The following DLGAP2 variants were observed in gnomAD, a reference collection of about 807,000 sequenced individuals.
DLGAP2 encodes DLG associated protein 2.
Under a neutral mutation model 100.3 loss-of-function variants are expected in DLGAP2, and 26 were observed. That is an observed-to-expected ratio of 0.26 (90% CI 0.19 to 0.36). The LOEUF is 0.36. Among genes scored for constraint, DLGAP2 ranks in the 10% least tolerant of loss-of-function variants. DLGAP2 has a pLI of 1.00. For synonymous variants in DLGAP2, 886 were observed against 630.1 expected, an observed-to-expected ratio of 1.41 and a Z score of -6.08; for missense variants, 1,858 against 1,453.2, an observed-to-expected ratio of 1.28 and a Z score of -4.53.
intron 3 of DLGAP2, among the ~76,000 whole-genome samples, chr8:1,314,715 C>T (rs1242513572): frequency 1.3e-5 from 2 of 152,234 alleles, no homozygotes; most frequent in Admixed American, 6.5e-5. Flanking sequence ...TATCCGCCTC[C>T]TGCTCCGGAG....
intron 3 of DLGAP2, among the ~76,000 whole-genome samples, chr8:1,460,406 T>C (rs1168049224): frequency 6.6e-6 from 1 of 152,226 alleles, no homozygotes; most frequent in Non-Finnish European, 1.5e-5. Context: ...AGGACTTTAA[T>C]CAGCTGATTT....
At chr8:861,802 G>T (rs1019573804) in intron 1 of DLGAP2, among the ~76,000 whole-genome samples, 2 of 152,230 alleles carry the variant, frequency 1.3e-5, no homozygotes, top group Middle Eastern at 3.2e-3. Context: ...TAACCTCCCG[G>T]TGGAAATGTG....
intron 1 of DLGAP2, among the ~76,000 whole-genome samples, chr8:903,949 G>A (rs576714862): frequency 5.3e-5 from 8 of 152,246 alleles, no homozygotes; most frequent in Non-Finnish European, 8.8e-5. Context: ...AGCTGCACGG[G>A]AGGCATCAGG....
intron 3 of DLGAP2, among the ~76,000 whole-genome samples, chr8:1,447,841 C>G (rs567937712): frequency 1.2e-4 from 18 of 152,276 alleles, no homozygotes; most frequent in African/African-American, 4.3e-4. Flanking sequence ...AGGAATTTAT[C>G]CATTTCTTCT....
At chr8:1,267,260 A>AAATAC (rs1799473368) in intron 3 of DLGAP2, among the ~76,000 whole-genome samples, 1 of 146,802 alleles carries the variant, frequency 6.8e-6, no homozygotes, top group Non-Finnish European at 1.5e-5. Context: ...AAATAAAATA[A>AAATAC]AATAAAATAA....
chr8:1,287,503 T>TGGG lies in DLGAP2; in HGVS notation c.106+28620_106+28621insGGG, dbSNP rs1563062349. Among the ~76,000 whole-genome samples, 20 of 80,184 alleles carry TGGG rather than the reference T, an allele frequency of 2.5e-4. 1 individual carries two copies. The highest frequency in any genetic ancestry group is 4.7e-4 in the African/African-American group (8 of 17,168). The allele number at this position is 80,184 out of a possible 152,430, so 52.6% of individuals were successfully genotyped here. ...GTGTGTGTGTGTGTGTGTGGTTCTG[T>TGGG]TAGGAGGGGAACTAGTTTTGGTTCA... On this transcript the variant is annotated intron_variant, in intron 3 of 14. Transcript: ENST00000637795.
At chr8:1,104,208 G>T (rs1197247979) in intron 2 of DLGAP2, among the ~76,000 whole-genome samples, 1 of 152,176 alleles carries the variant, frequency 6.6e-6, no homozygotes, top group Admixed American at 6.5e-5. Context: ...CGGCCACGGT[G>T]GAGCCTCAGA....
chr8:812,495 G>A (rs1043406595), intron 1 of DLGAP2, among the ~76,000 whole-genome samples: 10 of 152,192 alleles, frequency 6.6e-5, no homozygotes, highest in Non-Finnish European at 8.8e-5. Flanking sequence ...GGGTGGCTGC[G>A]TTGAGCGTGG....
At chr8:1,442,444 C>T (rs1197790485) in intron 3 of DLGAP2, among the ~76,000 whole-genome samples, 3 of 141,208 alleles carry the variant, frequency 2.1e-5, no homozygotes, top group East Asian at 2.2e-4. Flanking sequence ...CTGGAGGAGA[C>T]GGATCCGGGC....
chr8:1,158,704 C>A (rs1204871802), intron 2 of DLGAP2, among the ~76,000 whole-genome samples: 2 of 152,236 alleles, frequency 1.3e-5, no homozygotes, highest in African/African-American at 4.8e-5. Flanking sequence ...CAGCTTTGAC[C>A]TTTGTGGGCT....
chr8:1,101,646 G>A (rs1452103981), intron 2 of DLGAP2, among the ~76,000 whole-genome samples: 2 of 151,590 alleles, frequency 1.3e-5, no homozygotes, highest in Non-Finnish European at 2.9e-5. Context: ...ATGACACGAC[G>A]ATGGGAAGGT....
intron 1 of DLGAP2, among the ~76,000 whole-genome samples, chr8:848,799 C>T (rs539259262): frequency 6.7e-6 from 1 of 149,120 alleles, no homozygotes; most frequent in Admixed American, 6.7e-5. Context: ...GTGCGTGTTC[C>T]AGTGTAGGAA....
chr8:1,654,238 C>G (rs559481607), intron 8 of DLGAP2, among the ~76,000 whole-genome samples: 1 of 152,318 alleles, frequency 6.6e-6, no homozygotes, highest in African/African-American at 2.4e-5. Context: ...AATGCTACCT[C>G]CTGTACAGTT....
chr8:1,681,254 T>TGTCA (rs1798936587), intron 12 of DLGAP2, among the ~76,000 whole-genome samples: 1 of 152,198 alleles, frequency 6.6e-6, no homozygotes, highest in Non-Finnish European at 1.5e-5. Context: ...CTACTTCTCC[T>TGTCA]GTCATCATTT....
chr8:1,333,642 C>T (rs868547564), intron 3 of DLGAP2, among the ~76,000 whole-genome samples: 1 of 152,176 alleles, frequency 6.6e-6, no homozygotes, highest in African/African-American at 2.4e-5. Flanking sequence ...GAAAGGCACT[C>T]GGAGGTAATT....
At chr8:1,231,874 G>A (rs994025711) in intron 2 of DLGAP2, among the ~76,000 whole-genome samples, 6 of 152,058 alleles carry the variant, frequency 3.9e-5, no homozygotes, top group Non-Finnish European at 8.8e-5. Flanking sequence ...TGGGTGACAA[G>A]TTCAGTCATA....
intron 3 of DLGAP2, among the ~76,000 whole-genome samples, chr8:1,338,272 A>G (rs944434717): frequency 6.6e-6 from 1 of 152,270 alleles, no homozygotes; most frequent in African/African-American, 2.4e-5. Flanking sequence ...AAATGGAAAC[A>G]GCAGATGTTC....
intron 2 of DLGAP2, among the ~76,000 whole-genome samples, chr8:1,045,427 C>T (rs560345667): frequency 4.6e-5 from 7 of 152,174 alleles, no homozygotes; most frequent in Non-Finnish European, 8.8e-5. Context: ...TTTTGAAAGA[C>T]GTAAACACTG....
chr8:1,355,195 G>T (rs369979114), intron 3 of DLGAP2, among the ~76,000 whole-genome samples: 19 of 152,384 alleles, frequency 1.2e-4, no homozygotes, highest in Middle Eastern at 3.4e-3. Flanking sequence ...GCCCGTGACA[G>T]TGGTGGCACC....
Sources: gnomAD v4.1 joint callset for allele counts (sites outside exome capture counted in the v4.1 genomes callset) on GRCh38, gnomAD v4.1.1 for gene constraint, MANE v1.5 for transcripts, NCBI Gene and HGNC (gene_info 2026-07-23, HGNC 2026-07-21) for gene names.